Variants in LUM observed in about 807,000 individuals in gnomAD.
LUM encodes the protein KSPG lumican.
A neutral mutation model predicts 20.5 loss-of-function variants in LUM; 13 were observed. The observed-to-expected ratio is 0.63, with a 90% CI of 0.41 to 1.01. LUM has a LOEUF of 1.01. LUM is among the 50% of genes least tolerant of loss of function. The pLI is 0.00. For missense variants in LUM, 321 were observed against 391.1 expected (o/e 0.82, Z 1.51); for synonymous variants, 173 against 151.5 (o/e 1.14, Z -1.04).
At chr12:91,110,736 A>G (rs1172652008) in intron 1 of LUM, among the ~76,000 whole-genome samples, 2 of 152,198 alleles carry the variant, frequency 1.3e-5, no homozygotes, top group African/African-American at 2.4e-5. Flanking sequence ...TTGCAACCAT[A>G]TAATGACTCC....
rs1879977747 is a variant in LUM at position 91,104,206 on chromosome 12, A to T, written c.976T>A (p.Tyr326Asn). ...TCGTTAGCAACACGTAGACATTCAT[A>T]CATATCCGGTGGAAGACTGGTTTCT... ...ISETSLPPDMYECLRVANEVT... is the reference protein window; with the variant it reads ...ISETSLPPDMNECLRVANEVT... Residue 326 changes from tyrosine to asparagine, a missense_variant, in exon 3 of 3, where the codon TAT (tyrosine) becomes AAT (asparagine). Physicochemically the swap from Tyr to Asn is moderately radical, Grantham distance 143. Coordinates refer to ENST00000266718, the MANE Select transcript of LUM (RefSeq NM_002345.4). 6.2e-7 allele frequency: 1 copy of T among 1,612,778 alleles called. No individual in the cohort carries two copies. Among genetic ancestry groups the T allele is most frequent in the African/African-American group, 1.3e-5 (1 of 74,892 alleles).
intron 1 of LUM, among the ~76,000 whole-genome samples, chr12:91,110,426 A>G (rs1476545011): frequency 6.6e-6 from 1 of 152,208 alleles, no homozygotes; most frequent in Non-Finnish European, 1.5e-5. Flanking sequence ...GGTAACATGT[A>G]GCCAGATTCT....
intron 2 of LUM, among the ~76,000 whole-genome samples, chr12:91,105,787 C>A (rs774907067): frequency 3.3e-5 from 5 of 152,242 alleles, no homozygotes; most frequent in Non-Finnish European, 7.3e-5. Flanking sequence ...TCTCTTCCAT[C>A]CTTTACTCAT....
In LUM at chr12:91,103,622, G is replaced by A. The variant is rs960723988; in HGVS notation, c.*543C>T. 2 of 152,210 alleles carry A rather than the reference G, an allele frequency of 1.3e-5. No individual in the cohort carries two copies. Among genetic ancestry groups the A allele is most frequent in the African/African-American group, 4.8e-5 (2 of 41,426 alleles). The allele number at this position is 152,210 out of a possible 1,614,324, so 9.4% of individuals were successfully genotyped here. ...CAAATAATCAAAGAGAAACATACATGACTTAGAGTGAAAAATAATTCTAGA... is the reference window on the plus strand; with the variant it reads ...CAAATAATCAAAGAGAAACATACATAACTTAGAGTGAAAAATAATTCTAGA... On this transcript the variant is annotated 3_prime_UTR_variant, in exon 3 of 3. Transcript: ENST00000266718.
intron 1 of LUM, among the ~76,000 whole-genome samples, 186 bp downstream of exon 1, chr12:91,111,212 T>C (rs1880196962): frequency 6.6e-6 from 1 of 152,190 alleles, no homozygotes; most frequent in African/African-American, 2.4e-5. Context: ...ATATACTGTA[T>C]AAAATCTCAA....
rs1675016909 is a variant in LUM, at chr12:91,108,922, A to G, written c.58T>C (p.Tyr20His). 1 of 1,613,786 alleles carries G rather than the reference A, an allele frequency of 6.2e-7. No homozygotes were observed. Among genetic ancestry groups the G allele is most frequent in the East Asian group, 2.2e-5 (1 of 44,800 alleles). ...GATAGGGGAAAATCATAATCATAGT[A>G]CTGGCCACTGGTACCACCAATCAAT... The part of the protein sequence containing the change: ...LALIGGTSGQ[Y>H]YDYDFPLSIY... Residue 20 changes from tyrosine to histidine, a missense_variant, in exon 2 of 3, where the codon TAC becomes CAC. Transcript: ENST00000266718. The surrounding 1 kb of genome is among the most constrained non-coding windows in gnomAD (Gnocchi z 4.2).
At chr12:91,106,306 G>A (rs944583691) in intron 2 of LUM, among the ~76,000 whole-genome samples, 2 of 152,152 alleles carry the variant, frequency 1.3e-5, no homozygotes, top group African/African-American at 4.8e-5. Flanking sequence ...TCATCATGTA[G>A]AGATGTTCAA....
chr12:91,105,451 T>G (rs1245364456), intron 2 of LUM, among the ~76,000 whole-genome samples: 1 of 152,244 alleles, frequency 6.6e-6, no homozygotes, highest in East Asian at 1.9e-4. Context: ...GATCTCTGAT[T>G]GGGCTAATGC....
rs1592660891 is a variant in LUM, at chr12:91,102,928, T to G, written c.*1237A>C. 1 of 152,116 alleles carries G rather than the reference T, an allele frequency of 6.6e-6. No homozygotes were observed. Among genetic ancestry groups the G allele is most frequent in the East Asian group, 1.9e-4 (1 of 5,192 alleles). 9.4% of individuals were successfully genotyped at this position (152,116 alleles called of 1,614,324 possible). On this transcript the variant is annotated 3_prime_UTR_variant, in exon 3 of 3. Transcript: ENST00000266718. ...TATTTGTACTAGACACATATTTGAC[T>G]ATATATACACTGGTATGGGATGAGC...
chr12:91,108,989 A>G lies in LUM; in HGVS notation c.-10T>C, dbSNP rs1419106586. 2.5e-6 allele frequency: 4 copies of G among 1,608,964 alleles called. No homozygotes were observed. The African/African-American group carries it at 4.0e-5, about 16-fold the overall frequency. ...ATGCACTTAGACTCATTTTTGGCAA[A>G]TGGTTTGAATCCTAAATAAAGATGA... On this transcript the variant is annotated 5_prime_UTR_variant, in exon 2 of 3. Transcript: ENST00000266718. The surrounding 1 kb of genome is among the most constrained non-coding windows in gnomAD (Gnocchi z 4.2).
In LUM at chr12:91,104,522, T is replaced by A. The variant is rs11105988; in HGVS notation, c.863-203A>T. On this transcript the variant is annotated intron_variant, in intron 2 of 2. Coordinates refer to ENST00000266718, the MANE Select transcript of LUM (RefSeq NM_002345.4). ...CACAGTAACATTTAGTAAAGAGTAA[T>A]CATGGTAGATCAAGATATTCAGTGG... 0.17 allele frequency among the ~76,000 whole-genome samples: 26,067 copies of A among 152,060 alleles called. 2,793 individuals are homozygous for A. Among genetic ancestry groups the A allele is most frequent in the African/African-American group, 0.3 (12,396 of 41,448 alleles).
At chr12:91,106,344 T>G (rs1426005636) in intron 2 of LUM, among the ~76,000 whole-genome samples, 2 of 152,170 alleles carry the variant, frequency 1.3e-5, no homozygotes, top group African/African-American at 2.4e-5. Context: ...GCAGACATTA[T>G]TACTTTATAT....
intron 2 of LUM, among the ~76,000 whole-genome samples, chr12:91,107,292 A>C (rs1484434326): frequency 2.1e-5 from 2 of 94,774 alleles, no homozygotes; most frequent in Admixed American, 1.0e-4. Context: ...AGAAAGAGAA[A>C]GAAAGAAAGA....
chr12:91,110,608 T>G (rs1036046338), intron 1 of LUM, among the ~76,000 whole-genome samples: 1 of 152,188 alleles, frequency 6.6e-6, no homozygotes, highest in African/African-American at 2.4e-5. Flanking sequence ...TAATAAGCTA[T>G]TTTAAATTTA....
chr12:91,106,078 A>C (rs1880024583), intron 2 of LUM, among the ~76,000 whole-genome samples: 2 of 152,204 alleles, frequency 1.3e-5, no homozygotes, highest in South Asian at 4.1e-4. Flanking sequence ...ATTGTGTGAC[A>C]GTCAAACAGC....
intron 1 of LUM, among the ~76,000 whole-genome samples, chr12:91,109,778 A>G (rs1880162096): frequency 6.6e-6 from 1 of 152,212 alleles, no homozygotes; most frequent in African/African-American, 2.4e-5. Context: ...AGGTAGAGAA[A>G]GATAGTATTT....
In LUM at chr12:91,111,489, G is replaced by C. The variant is rs1056163724; in HGVS notation, c.-113C>G. On this transcript the variant is annotated 5_prime_UTR_variant, in exon 1 of 3. Transcript: ENST00000266718. ...TATATGCTGTGAACTCTGTCAGGAC[G>C]GAACTGGCTGCCAGATTCTGAGTGA... is the stretch of plus-strand genomic sequence containing the variant. The C allele has an allele frequency of 6.9e-6, 1 of 145,096 alleles. No individual in the cohort carries two copies. Among genetic ancestry groups the C allele is most frequent in the African/African-American group, 2.6e-5 (1 of 38,610 alleles). 9.0% of individuals were successfully genotyped at this position (145,096 alleles called of 1,614,324 possible).
chr12:91,108,645 A>T lies in LUM; in HGVS notation c.335T>A (p.Phe112Tyr). Residue 112 changes from phenylalanine to tyrosine, a missense_variant, in exon 2 of 3, where the codon TTC becomes TAC. Transcript: ENST00000266718. This position sits in a 1 kb window ranked among gnomAD's most constrained non-coding sequence, Gnocchi z 4.2. The part of the protein sequence containing the change: ...LENSKIKGRV[F>Y]SKLKQLKKLH... ...CTTCTTCAGTTGTTTCAATTTAGAG[A>T]AAACTCTCCCTTTTATCTTGGAGTT... is the stretch of plus-strand genomic sequence containing the variant. The T allele has an allele frequency of 6.2e-7, 1 of 1,614,018 alleles. No homozygotes were observed. Among genetic ancestry groups the T allele is most frequent in the Non-Finnish European group, 8.5e-7 (1 of 1,179,980 alleles).
intron 2 of LUM, among the ~76,000 whole-genome samples, chr12:91,106,637 A>C (rs1880037126): frequency 7.2e-6 from 1 of 138,930 alleles, no homozygotes; most frequent in Admixed American, 7.9e-5. Flanking sequence ...ATATCAAATG[A>C]GGGGCAGGAT....
Sources: allele counts gnomAD v4.1 joint callset (sites outside exome capture counted in the v4.1 genomes callset), GRCh38; gene constraint gnomAD v4.1.1; non-coding constraint Gnocchi (gnomAD v3.1); transcripts MANE v1.5; gene names NCBI Gene and HGNC (gene_info 2026-07-23, HGNC 2026-07-21).